The following RASGRP1 variants were observed in gnomAD, a reference collection of about 807,000 sequenced individuals.
The protein encoded by RASGRP1 is RAS guanyl-releasing protein 1.
A neutral mutation model predicts 95.1 loss-of-function variants in RASGRP1; 37 were observed. The ratio of observed to expected loss-of-function variants is 0.39; its 90% confidence interval spans 0.30 to 0.51. The LOEUF (loss-of-function observed/expected upper bound fraction) is 0.51. Ranked by LOEUF, RASGRP1 falls within the 20% of genes least tolerant of loss-of-function variation. RASGRP1 has a pLI of 0.80. For missense variants in RASGRP1, 711 were observed against 965.4 expected, an observed-to-expected ratio of 0.74 and a Z score of 3.49; for synonymous variants, 325 against 353.4, an observed-to-expected ratio of 0.92 and a Z score of 0.90.
At chr15:38,536,653 A>G (rs1400905157) in intron 2 of RASGRP1, among the ~76,000 whole-genome samples, 7 of 152,350 alleles carry the variant, frequency 4.6e-5, no homozygotes, top group African/African-American at 2.4e-5. Flanking sequence ...ACAAGCCTAG[A>G]TAATAGATAA....
intron 2 of RASGRP1, among the ~76,000 whole-genome samples, chr15:38,529,432 C>T (rs1227420344): frequency 6.6e-6 from 1 of 152,166 alleles, no homozygotes; most frequent in Non-Finnish European, 1.5e-5. Context: ...AGGGCCTTTG[C>T]ATTTGCTATT....
chr15:38,552,981 C>T (rs1193313383), intron 2 of RASGRP1, among the ~76,000 whole-genome samples: 1 of 152,188 alleles, frequency 6.6e-6, no homozygotes, highest in Non-Finnish European at 1.5e-5. Flanking sequence ...CCTCTGACTA[C>T]ATAGTTGGTG....
chr15:38,545,083 T>C (rs1893058603), intron 2 of RASGRP1, among the ~76,000 whole-genome samples: 1 of 152,182 alleles, frequency 6.6e-6, no homozygotes, highest in Non-Finnish European at 1.5e-5. Flanking sequence ...CCACTGGAGG[T>C]AAATAACTCA....
At chr15:38,501,928 C>T (rs1246747832) in intron 12 of RASGRP1, among the ~76,000 whole-genome samples, 1 of 150,706 alleles carries the variant, frequency 6.6e-6, no homozygotes, top group African/African-American at 2.4e-5. Context: ...GATCTCGGCT[C>T]ACTGCAACCT....
intron 2 of RASGRP1, among the ~76,000 whole-genome samples, chr15:38,553,120 C>A (rs1251897898): frequency 6.6e-6 from 1 of 152,146 alleles, no homozygotes; most frequent in Non-Finnish European, 1.5e-5. Flanking sequence ...GAAGCTGGCT[C>A]TGCTTACATT....
At chr15:38,515,908 A>AGTGTGT (rs762200050) in intron 6 of RASGRP1, among the ~76,000 whole-genome samples, 5 of 116,324 alleles carry the variant, frequency 4.3e-5, no homozygotes, top group African/African-American at 1.2e-4. Flanking sequence ...AGAGAGAGAG[A>AGTGTGT]GAGTGTGTGT....
intron 5 of RASGRP1, among the ~76,000 whole-genome samples, chr15:38,516,840 C>T (rs573371720): frequency 2.6e-5 from 4 of 152,084 alleles, no homozygotes; most frequent in South Asian, 2.1e-4. Flanking sequence ...GAGGGAATCA[C>T]GCGTAGAAAC....
chr15:38,508,956 A>G (rs1312416139), intron 8 of RASGRP1, among the ~76,000 whole-genome samples: 2 of 152,212 alleles, frequency 1.3e-5, no homozygotes, highest in African/African-American at 2.4e-5. Context: ...AACTGTGCAT[A>G]GTAACAAACC....
rs1352408861 is a variant in RASGRP1, at chr15:38,507,902, C to T, written c.1066G>A (p.Gly356Ser). ...ECTDFKIPILGVHLKDLISLY... is the reference protein window; with the variant it reads ...ECTDFKIPILSVHLKDLISLY... Reference sequence around the variant, plus strand: ...GAGATGAGGTCCTTGAGATGCACACCCAGAATGGGGATCTTGAAGTCGGTG... The same window carrying T: ...GAGATGAGGTCCTTGAGATGCACACTCAGAATGGGGATCTTGAAGTCGGTG... Residue 356 changes from glycine to serine, a missense_variant, in exon 9 of 17, where the codon GGT becomes AGT. By Grantham distance (56) the Gly-to-Ser change is moderately conservative. Around this residue, in one of 3 missense-constraint regions of RASGRP1, gnomAD observed 491 missense variants for 676.6 expected, o/e 0.73. Coordinates refer to ENST00000310803, the MANE Select transcript of RASGRP1 (RefSeq NM_005739.4). The T allele has an allele frequency of 6.2e-7, 1 of 1,613,504 alleles. No individual in the cohort carries two copies. The highest frequency in any genetic ancestry group is 2.2e-5 in the East Asian group (1 of 44,806).
chr15:38,540,180 G>A (rs189136113), intron 2 of RASGRP1, among the ~76,000 whole-genome samples: 4 of 151,966 alleles, frequency 2.6e-5, no homozygotes, highest in Non-Finnish European at 5.9e-5. Context: ...CTCCCACCTC[G>A]GCCGGCCAAA....
intron 14 of RASGRP1, 120 bp from the exon 15 acceptor site, chr15:38,499,066 T>A: frequency 7.6e-7 from 1 of 1,324,166 alleles, no homozygotes; most frequent in Non-Finnish European, 1.1e-6. Context: ...CTTCTGGAGC[T>A]AAGACACTTA....
In RASGRP1 at chr15:38,504,505, G is replaced by A. The variant is rs529791825; in HGVS notation, c.1324-1129C>T. The A allele has an allele frequency of 2.0e-5, 3 of 152,200 alleles. No individual in the cohort carries two copies. In the South Asian group the frequency reaches 6.2e-4, roughly 32 times the overall value. 9.4% of individuals were successfully genotyped at this position (152,200 alleles called of 1,614,324 possible). ...ACTCATTGGCCTATGTCTATATAGA[G>A]TCAAGATCATCAATATCACTGTCTT... On this transcript the variant is annotated intron_variant, in intron 10 of 16. Transcript: ENST00000310803.
At chr15:38,501,898 A>G (rs1052132992) in intron 12 of RASGRP1, among the ~76,000 whole-genome samples, 2 of 148,888 alleles carry the variant, frequency 1.3e-5, no homozygotes, top group Non-Finnish European at 3.0e-5. Flanking sequence ...CTTGTGGCCC[A>G]GGCTGGAGTG....
chr15:38,532,327 G>A (rs1450628327), intron 2 of RASGRP1, among the ~76,000 whole-genome samples: 1 of 152,202 alleles, frequency 6.6e-6, no homozygotes, highest in Non-Finnish European at 1.5e-5. Flanking sequence ...AAGCCTCAGT[G>A]GGGTACACAA....
At chr15:38,557,629 G>GTGTGTGTA (rs745934661) in intron 2 of RASGRP1, among the ~76,000 whole-genome samples, 45 of 147,458 alleles carry the variant, frequency 3.1e-4, no homozygotes, top group African/African-American at 6.1e-4. Context: ...GTGTGTGTGT[G>GTGTGTGTA]TATATATATA....
chr15:38,538,393 A>C (rs1205895228), intron 2 of RASGRP1, among the ~76,000 whole-genome samples: 2 of 152,252 alleles, frequency 1.3e-5, no homozygotes, highest in East Asian at 3.8e-4. Flanking sequence ...TACTTATTGG[A>C]AGATGGGGGA....
Position 38,490,568 on chromosome 15 carries a change from C to T in RASGRP1, c.2380G>A (p.Gly794Ser), listed in dbSNP as rs766952859. The change falls in exon 17 of 17, where the codon GGT (glycine) becomes AGT (serine). Residue 794 changes from glycine to serine, a missense_variant. Transcript: ENST00000310803. ...TAGTTTCTGGGCTAAGAACAGTCAC[C>T]CTGCTCCATTTGAGCTAAGACATGA... Reference protein sequence around the residue: ...SNHVLAQMEQGDCS With the variant: ...SNHVLAQMEQSDCS The T allele has an allele frequency of 1.2e-6, 2 of 1,612,568 alleles. No homozygotes were observed. Among genetic ancestry groups the T allele is most frequent in the Admixed American group, 3.3e-5 (2 of 59,952 alleles).
At chr15:38,532,364 G>C (rs1401686277) in intron 2 of RASGRP1, among the ~76,000 whole-genome samples, 1 of 152,206 alleles carries the variant, frequency 6.6e-6, no homozygotes, top group Non-Finnish European at 1.5e-5. Context: ...TCTGCCATTT[G>C]ACTAGGGGAG....
chr15:38,551,113 A>G lies in RASGRP1; in HGVS notation c.220+8708T>C, dbSNP rs573484115. On this transcript the variant is annotated intron_variant, in intron 2 of 16. Transcript: ENST00000310803. ...TCTATGCTAGTGGTTGATCTTATGTATATCTTACCACAAAGTCTATGTAAG... is the reference window on the plus strand; with the variant it reads ...TCTATGCTAGTGGTTGATCTTATGTGTATCTTACCACAAAGTCTATGTAAG... Among the ~76,000 whole-genome samples, 27 of 152,340 alleles carry G rather than the reference A, an allele frequency of 1.8e-4. No individual in the cohort carries two copies. The East Asian group carries it at 5.0e-3, about 28-fold the overall frequency.
Sources: allele counts gnomAD v4.1 joint callset (sites outside exome capture counted in the v4.1 genomes callset), GRCh38; gene constraint gnomAD v4.1.1; regional missense constraint gnomAD v4.1.1; transcripts MANE v1.5; gene names NCBI Gene and HGNC (gene_info 2026-07-23, HGNC 2026-07-21).